The following AGPS variants were observed in gnomAD, a reference collection of about 807,000 sequenced individuals.
AGPS encodes alkylglycerone phosphate synthase.
A neutral mutation model predicts 90.7 loss-of-function variants in AGPS; 26 were observed. That is an observed-to-expected ratio of 0.29 (90% CI 0.21 to 0.40). The LOEUF (loss-of-function observed/expected upper bound fraction) is 0.40, where lower values mean the gene tolerates loss of function less well. Ranked by LOEUF, AGPS falls within the 10% of genes least tolerant of loss-of-function variation. The pLI is 1.00. For missense variants in AGPS, 540 were observed against 816.1 expected, an observed-to-expected ratio of 0.66 and a Z score of 4.12; for synonymous variants, 294 against 285.3, an observed-to-expected ratio of 1.03 and a Z score of -0.31.
intron 1 of AGPS, among the ~76,000 whole-genome samples, chr2:177,401,302 A>G (rs1194435927): frequency 6.6e-6 from 1 of 152,098 alleles, no homozygotes; most frequent in Non-Finnish European, 1.5e-5. Context: ...ACATCCTTCA[A>G]TCCCTATCTT....
intron 8 of AGPS, among the ~76,000 whole-genome samples, chr2:177,450,849 G>C (rs1418920824): frequency 6.6e-6 from 1 of 150,884 alleles, no homozygotes; most frequent in East Asian, 1.9e-4. Flanking sequence ...GAGACTGACA[G>C]CTTAACAGTT....
At chr2:177,429,502 T>A (rs995241004) in intron 2 of AGPS, among the ~76,000 whole-genome samples, 1 of 152,202 alleles carries the variant, frequency 6.6e-6, no homozygotes, top group Non-Finnish European at 1.5e-5. Context: ...TTTTGTGTGG[T>A]CTTTTTTTTG....
intron 8 of AGPS, among the ~76,000 whole-genome samples, chr2:177,456,602 G>GT (rs1384201700): frequency 6.6e-6 from 1 of 152,022 alleles, no homozygotes; most frequent in Non-Finnish European, 1.5e-5. Context: ...GGAACATCTG[G>GT]TTTTTTTGGT....
intron 1 of AGPS, among the ~76,000 whole-genome samples, chr2:177,415,336 T>C (rs1014281782): frequency 6.6e-6 from 1 of 152,228 alleles, no homozygotes; most frequent in African/African-American, 2.4e-5. Flanking sequence ...GGTCATAGAA[T>C]TGGCATTACC....
chr2:177,464,667 G>A (rs1687396706), intron 9 of AGPS, among the ~76,000 whole-genome samples: 1 of 152,198 alleles, frequency 6.6e-6, no homozygotes, highest in Non-Finnish European at 1.5e-5. Flanking sequence ...TTTAGTGAAT[G>A]TCTCTTCACT....
intron 10 of AGPS, among the ~76,000 whole-genome samples, chr2:177,481,474 G>C (rs1379309454): frequency 6.6e-6 from 1 of 150,982 alleles, no homozygotes; most frequent in Non-Finnish European, 1.5e-5. Flanking sequence ...TCTTATGTTA[G>C]ATATTTATAA....
At chr2:177,503,180 A>T (rs1165706154) in intron 14 of AGPS, among the ~76,000 whole-genome samples, 5 of 152,180 alleles carry the variant, frequency 3.3e-5, no homozygotes, top group Admixed American at 3.3e-4. Flanking sequence ...CTTTGAACAC[A>T]TATGACCCAA....
intron 11 of AGPS, among the ~76,000 whole-genome samples, chr2:177,484,955 A>T (rs1431555979): frequency 6.6e-6 from 1 of 151,936 alleles, no homozygotes; most frequent in African/African-American, 2.4e-5. Context: ...TTTTGTAGAG[A>T]TGGGATCTCC....
At chr2:177,433,810 T>C (rs1281672606) in intron 2 of AGPS, among the ~76,000 whole-genome samples, 1 of 152,158 alleles carries the variant, frequency 6.6e-6, no homozygotes, top group African/African-American at 2.4e-5. Context: ...CCTAGAAGAT[T>C]CCAGTATGTA....
chr2:177,440,986 A>T lies in AGPS; in HGVS notation c.659A>T (p.Lys220Met). Residue 220 changes from lysine to methionine, a missense_variant, in exon 6 of 20, where the codon AAG becomes ATG. By Grantham distance (95) the Lys-to-Met change is moderately conservative. Coordinates refer to ENST00000264167, the MANE Select transcript of AGPS (RefSeq NM_003659.4). ...LWPTCHDDVV[K>M]IVNLACKYNL... ...ACAGCATGCCATGATGATGTAGTTA[A>T]GATTGTGAATCTAGCTTGCAAATAT... The T allele has an allele frequency of 6.2e-7, 1 of 1,613,006 alleles. No individual in the cohort carries two copies. The highest frequency in any genetic ancestry group is 1.7e-5 in the Admixed American group (1 of 60,016).
intron 18 of AGPS, 148 bp from the exon 19 acceptor site, chr2:177,523,600 C>G: frequency 1.5e-6 from 1 of 677,386 alleles, no homozygotes; most frequent in East Asian, 2.7e-5. Context: ...GCTTTTTAAA[C>G]ACATTTGACC....
At chr2:177,467,929 T>C (rs1407055331) in intron 9 of AGPS, among the ~76,000 whole-genome samples, 1 of 152,088 alleles carries the variant, frequency 6.6e-6, no homozygotes, top group Non-Finnish European at 1.5e-5. Context: ...TTTGACCTGG[T>C]CATAATTAAT....
chr2:177,434,049 A>G (rs979741678), intron 2 of AGPS, among the ~76,000 whole-genome samples: 1 of 152,178 alleles, frequency 6.6e-6, no homozygotes, highest in Non-Finnish European at 1.5e-5. Context: ...CTTATGGAAA[A>G]AACAAAACCA....
At chr2:177,447,998 A>G (rs183848090) in intron 8 of AGPS, among the ~76,000 whole-genome samples, 24 of 152,262 alleles carry the variant, frequency 1.6e-4, no homozygotes, top group Non-Finnish European at 5.9e-5. Context: ...CATGTCAATT[A>G]TGGATTTGGA....
At chr2:177,510,035 A>G (rs1275316159) in intron 16 of AGPS, among the ~76,000 whole-genome samples, 1 of 152,134 alleles carries the variant, frequency 6.6e-6, no homozygotes, top group African/African-American at 2.4e-5. Context: ...GTTGGGGAAA[A>G]CCTTTTAACG....
At chr2:177,531,351 A>G (rs1343859926) in intron 19 of AGPS, among the ~76,000 whole-genome samples, 5 of 152,328 alleles carry the variant, frequency 3.3e-5, no homozygotes, top group Admixed American at 3.3e-4. Flanking sequence ...CTAAATACTA[A>G]CAATTAAGCA....
At chr2:177,431,013 G>A (rs1007006609) in intron 2 of AGPS, among the ~76,000 whole-genome samples, 1 of 152,092 alleles carries the variant, frequency 6.6e-6, no homozygotes, top group Non-Finnish European at 1.5e-5. Flanking sequence ...AGCAATTGTG[G>A]AACTCACCCT....
At chr2:177,430,642 C>T (rs531030100) in intron 2 of AGPS, among the ~76,000 whole-genome samples, 16 of 152,088 alleles carry the variant, frequency 1.1e-4, no homozygotes, top group African/African-American at 3.9e-4. Flanking sequence ...GATCATCACC[C>T]CACCCTCCTT....
intron 10 of AGPS, among the ~76,000 whole-genome samples, chr2:177,475,144 T>A (rs1687743983): frequency 6.6e-6 from 1 of 152,300 alleles, no homozygotes; most frequent in Admixed American, 6.5e-5. Flanking sequence ...TCCAATTTAT[T>A]TGTAACAACA....
Sources: gnomAD v4.1 joint callset for allele counts (sites outside exome capture counted in the v4.1 genomes callset) on GRCh38, gnomAD v4.1.1 for gene constraint, MANE v1.5 for transcripts, NCBI Gene and HGNC (gene_info 2026-07-23, HGNC 2026-07-21) for gene names.